Variants in UROS observed in about 807,000 individuals in gnomAD.
The protein encoded by UROS is uroporphyrinogen III synthase.
In UROS, 18 loss-of-function variants were observed where a neutral mutation model predicts 33.0. The observed-to-expected ratio is 0.55, with a 90% CI of 0.38 to 0.81. The LOEUF is 0.81. UROS is among the 30% of genes least tolerant of loss of function. UROS has a pLI of 0.00. For missense variants in UROS, 293 were observed against 314.9 expected (o/e 0.93, Z 0.53); for synonymous variants, 114 against 121.1 (o/e 0.94, Z 0.38).
intron 6 of UROS, chr10:125,802,812 G>A: frequency 2.0e-6 from 3 of 1,464,632 alleles, no homozygotes; most frequent in East Asian, 2.5e-5. Flanking sequence ...TCTGTGCGAG[G>A]CCCTGTGCGC....
rs551675979 is a variant in UROS, at chr10:125,814,901, C to T, written c.244+133G>A. ...AGCCCTGTTCTCCTGTTTCCCAAGGCAGAGTCTGTGACCTGATACCACTAA... is the reference window on the plus strand; with the variant it reads ...AGCCCTGTTCTCCTGTTTCCCAAGGTAGAGTCTGTGACCTGATACCACTAA... On this transcript the variant is annotated intron_variant, in intron 4 of 9. Transcript: ENST00000368797. The T allele has an allele frequency of 2.8e-5, 28 of 1,017,818 alleles. No homozygotes were observed. The East Asian group carries it at 7.0e-4, about 25-fold the overall frequency. 63.0% of individuals were successfully genotyped at this position (1,017,818 alleles called of 1,614,324 possible). A position where few individuals can be genotyped will look rare whatever the true frequency, so the allele number is the denominator to read the frequency against.
intron 1 of UROS, among the ~76,000 whole-genome samples, chr10:125,820,484 T>C (rs1319987701): frequency 6.6e-6 from 1 of 152,232 alleles, no homozygotes; most frequent in Non-Finnish European, 1.5e-5. Flanking sequence ...GGCAATCCAC[T>C]TTACTCAGTC....
At chr10:125,807,013 G>C (rs909815689) in intron 6 of UROS, 77 of 229,312 alleles carry the variant, frequency 3.4e-4, no homozygotes, top group African/African-American at 1.7e-3. Context: ...CTTTACCTGG[G>C]AGCAAGCTGG....
rs1852312391 is a variant in UROS at position 125,806,150 on chromosome 10, A to G, written c.394+1263T>C. Among the ~76,000 whole-genome samples, 3 of 152,192 alleles carry G rather than the reference A, an allele frequency of 2.0e-5. No homozygotes were observed. The South Asian group carries it at 6.2e-4, about 32-fold the overall frequency. On this transcript the variant is annotated intron_variant, in intron 6 of 9. Transcript: ENST00000368797. ...AACAGCAATGACTTACGGCAGGAAG[A>G]CTTGTAAGTAATGCCTTATAAGACG...
intron 6 of UROS, among the ~76,000 whole-genome samples, chr10:125,799,577 A>G (rs1851641016): frequency 6.6e-6 from 1 of 152,170 alleles, no homozygotes; most frequent in South Asian, 2.1e-4. Flanking sequence ...GGTCCAGTGG[A>G]GTCCTGAGCT....
chr10:125,811,133 G>C (rs1852777554), intron 5 of UROS, among the ~76,000 whole-genome samples: 1 of 152,148 alleles, frequency 6.6e-6, no homozygotes, highest in South Asian at 2.1e-4. Flanking sequence ...CATATGACAG[G>C]ACAGTGACAG....
chr10:125,796,897 G>C, intron 7 of UROS: 1 of 981,176 alleles, frequency 1.0e-6, no homozygotes, highest in Non-Finnish European at 1.2e-6. Flanking sequence ...CAGAAGAAAT[G>C]ATAACTTCAG....
chr10:125,801,134 G>C (rs186074227), intron 6 of UROS, among the ~76,000 whole-genome samples: 2 of 152,294 alleles, frequency 1.3e-5, no homozygotes, highest in Non-Finnish European at 2.9e-5. Context: ...GACAGTGGGC[G>C]CCTGAGTGCT....
chr10:125,802,859 C>T (rs372472498), intron 6 of UROS: 5 of 1,531,756 alleles, frequency 3.3e-6, no homozygotes, highest in South Asian at 1.3e-5. Context: ...GTCCCAGCAG[C>T]CCCTTTCCCT....
chr10:125,816,314 G>GAACATTAACATT lies in UROS; in HGVS notation c.64-55_64-54insAATGTTAATGTT. ...GGCTAGGGCTGTTTTTAAAATAAGGGAACATTAACAATTTATTCTGCGTCA... is the reference window on the plus strand; with the variant it reads ...GGCTAGGGCTGTTTTTAAAATAAGGGAACATTAACATTAACATTAACAATTTATTCTGCGTCA... On this transcript the variant is annotated intron_variant, in intron 2 of 9. Transcript: ENST00000368797. 5 of 1,601,152 alleles carry GAACATTAACATT rather than the reference G, an allele frequency of 3.1e-6. 1 individual carries two copies. The highest frequency in any genetic ancestry group is 1.7e-4 in the Middle Eastern group (1 of 6,042).
chr10:125,801,134 G>A (rs186074227), intron 6 of UROS, among the ~76,000 whole-genome samples: 22 of 152,294 alleles, frequency 1.4e-4, no homozygotes, highest in African/African-American at 4.3e-4. Flanking sequence ...GACAGTGGGC[G>A]CCTGAGTGCT....
intron 9 of UROS, among the ~76,000 whole-genome samples, chr10:125,791,271 G>A (rs1030053171): frequency 6.6e-6 from 1 of 152,064 alleles, no homozygotes; most frequent in Admixed American, 6.6e-5. Flanking sequence ...TAGGGAAATC[G>A]AAATCAAATA....
chr10:125,822,510 A>C (rs1473047359), intron 1 of UROS, among the ~76,000 whole-genome samples: 1 of 151,904 alleles, frequency 6.6e-6, no homozygotes, highest in African/African-American at 2.4e-5. Context: ...TTTAGTAGAG[A>C]TGGGATTTCG....
intron 6 of UROS, chr10:125,802,821 G>A (rs921677800): frequency 1.4e-5 from 20 of 1,470,936 alleles, no homozygotes; most frequent in Middle Eastern, 2.0e-4. Context: ...GGCCCTGTGC[G>A]CTCCTGGAGA....
chr10:125,813,884 A>C (rs1185273265), intron 4 of UROS, among the ~76,000 whole-genome samples: 2 of 152,224 alleles, frequency 1.3e-5, no homozygotes, highest in Non-Finnish European at 2.9e-5. Flanking sequence ...AAGCCTGGTT[A>C]AATGTGGAGA....
At chr10:125,812,143 G>T in intron 5 of UROS, 71 bp downstream of exon 5, 3 of 1,434,126 alleles carry the variant, frequency 2.1e-6, no homozygotes, top group Non-Finnish European at 2.9e-6. Flanking sequence ...TTTAAACTGA[G>T]TTAAACTGTT....
chr10:125,821,252 A>G (rs981796680), intron 1 of UROS, among the ~76,000 whole-genome samples: 13 of 152,268 alleles, frequency 8.5e-5, no homozygotes, highest in East Asian at 1.9e-4. Flanking sequence ...TTACCGACAG[A>G]TAAGTAGATA....
At chr10:125,803,278 C>T (rs1851992170) in intron 6 of UROS, among the ~76,000 whole-genome samples, 1 of 152,176 alleles carries the variant, frequency 6.6e-6, no homozygotes, top group African/African-American at 2.4e-5. Context: ...TAAAGGCATG[C>T]ACAAAATGCC....
chr10:125,821,396 T>G (rs1355749993), intron 1 of UROS, among the ~76,000 whole-genome samples: 2 of 152,236 alleles, frequency 1.3e-5, no homozygotes, highest in African/African-American at 4.8e-5. Flanking sequence ...AGGAAGAATA[T>G]TGTGTTACTC....
Sources: allele counts gnomAD v4.1 joint callset (sites outside exome capture counted in the v4.1 genomes callset), GRCh38; gene constraint gnomAD v4.1.1; transcripts MANE v1.5; gene names NCBI Gene and HGNC (gene_info 2026-07-23, HGNC 2026-07-21).